The following FAM170A variants were observed in gnomAD, a reference collection of about 807,000 sequenced individuals.
FAM170A encodes family with sequence similarity 170 member A.
A neutral mutation model predicts 36.6 loss-of-function variants in FAM170A; 28 were observed. That is an observed-to-expected ratio of 0.76 (90% confidence interval 0.57 to 1.05). The LOEUF is 1.05. Among genes scored for constraint, FAM170A ranks in the 50% least tolerant of loss-of-function variants. The pLI is 0.00. For missense variants in FAM170A, 434 were observed against 396.5 expected (o/e 1.09, Z -0.80); for synonymous variants, 156 against 143.9 (o/e 1.08, Z -0.60).
intron 4 of FAM170A, among the ~76,000 whole-genome samples, 182 bp from the exon 5 acceptor site, chr5:119,635,518 G>C (rs1283296889): frequency 6.6e-6 from 1 of 152,204 alleles, no homozygotes; most frequent in Non-Finnish European, 1.5e-5. Context: ...ATCCTGATGA[G>C]ACACCAAGAG....
At chr5:119,630,866 C>T (rs1756235085) in intron 1 of FAM170A, among the ~76,000 whole-genome samples, 1 of 152,118 alleles carries the variant, frequency 6.6e-6, no homozygotes, top group Admixed American at 6.5e-5. Flanking sequence ...GAGAGTAGCC[C>T]AATGAGTTAA....
At chr5:119,629,581 AGTGGGCACTGGGCAGTGCTGCT>A (rs1193686383) in exon 1 of FAM170A, 2 of 484,096 alleles carry the variant, frequency 4.1e-6, no homozygotes, top group African/African-American at 2.0e-5. Context: ...CCTGCAGTGT[AGTGGGCACTGGGCAGTGCTGCT>A]CCTTCACTAA....
chr5:119,631,973 G>C (rs1756261964), intron 1 of FAM170A, among the ~76,000 whole-genome samples: 1 of 152,118 alleles, frequency 6.6e-6, no homozygotes, highest in South Asian at 2.1e-4. Context: ...AACCACCAAT[G>C]ATTTTTTAGT....
chr5:119,634,141 G>GC lies in FAM170A; in HGVS notation c.394dup (p.Gln132ProfsTer34), dbSNP rs1394126343. The stretch of plus-strand genomic sequence containing the variant: ...AAAGGGGCATGAAAATATACTACAT[G>GC]CAGGTACAAATGAACAAAGGTGTGG... On this transcript the variant is annotated frameshift_variant, in exon 3 of 5. Coordinates refer to ENST00000613773, the Ensembl canonical transcript of FAM170A. LOFTEE classifies it high-confidence loss of function. The GC allele has an allele frequency of 3.1e-6, 5 of 1,614,190 alleles. No individual in the cohort carries two copies.
rs540519802 is a variant in FAM170A at position 119,633,199 on chromosome 5, G to A, written c.211+311G>A. Among the ~76,000 whole-genome samples the A allele has an allele frequency of 2.6e-5, 4 of 152,292 alleles. 1 individual carries two copies. The South Asian group carries it at 8.3e-4, about 32-fold the overall frequency. On this transcript the variant is annotated intron_variant, in intron 2 of 4. Transcript: ENST00000613773. ...TCCTTAGGCATGGGATTGGGTGCAGGGCTCCTTGGGTAGGGGGCAGGAGGC... is the reference window on the plus strand; with the variant it reads ...TCCTTAGGCATGGGATTGGGTGCAGAGCTCCTTGGGTAGGGGGCAGGAGGC...
chr5:119,629,626 C>T (rs980749205), exon 1 of FAM170A: 3 of 632,540 alleles, frequency 4.7e-6, no homozygotes, highest in African/African-American at 3.7e-5. Context: ...GGTCTGAGTT[C>T]TTTAGCTATC....
At chr5:119,634,226 G>A in exon 3 of FAM170A, 1 of 1,614,244 alleles carries the variant, frequency 6.2e-7, no homozygotes, top group South Asian at 1.1e-5. Flanking sequence ...AAGGATGGAA[G>A]AAGTGACCCT....
Position 119,635,099 on chromosome 5 carries a change from ACTTG to A in FAM170A, c.*52+15_*52+18del, listed in dbSNP as rs1210153310. The A allele has an allele frequency of 6.3e-7, 1 of 1,579,434 alleles. No homozygotes were observed. The highest frequency in any genetic ancestry group is 1.3e-5 in the African/African-American group (1 of 74,390). On this transcript the variant is annotated intron_variant, in intron 4 of 4. Coordinates refer to ENST00000613773, the Ensembl canonical transcript of FAM170A. ...TCTCTTGCAAGAGGTAAGGAGTGAG[ACTTG>A]CAGTTTTCTGAGGCTGTGTTGTGAG...
intron 3 of FAM170A, 125 bp downstream of exon 3, chr5:119,634,859 A>C: frequency 1.6e-6 from 2 of 1,235,292 alleles, no homozygotes; most frequent in East Asian, 2.4e-5. Flanking sequence ...CTCAGGGAAC[A>C]ATGGAGGGGG....
chr5:119,635,215 G>A, intron 4 of FAM170A, 129 bp downstream of exon 4: 1 of 642,252 alleles, frequency 1.6e-6, no homozygotes, highest in Non-Finnish European at 2.8e-6. Flanking sequence ...TCGTGCACCT[G>A]GTGCTTCTGG....
At chr5:119,633,346 A>G (rs1471908350) in intron 2 of FAM170A, among the ~76,000 whole-genome samples, 1 of 152,148 alleles carries the variant, frequency 6.6e-6, no homozygotes, top group East Asian at 1.9e-4. Flanking sequence ...AGCTCAGTGT[A>G]GGAGAGCATG....
At chr5:119,631,882 G>A (rs958232755) in intron 1 of FAM170A, among the ~76,000 whole-genome samples, 2 of 152,092 alleles carry the variant, frequency 1.3e-5, no homozygotes, top group African/African-American at 2.4e-5. Context: ...AGACCACAAC[G>A]AAACAAAGAT....
intron 1 of FAM170A, among the ~76,000 whole-genome samples, chr5:119,631,474 C>T (rs921748925): frequency 2.6e-5 from 4 of 151,842 alleles, no homozygotes; most frequent in Non-Finnish European, 4.4e-5. Flanking sequence ...GTGGGGTCTG[C>T]GGGGTGAACT....
intron 1 of FAM170A, among the ~76,000 whole-genome samples, 179 bp downstream of exon 1, chr5:119,630,017 G>A (rs1267109855): frequency 2.6e-5 from 4 of 151,820 alleles, no homozygotes; most frequent in Non-Finnish European, 5.9e-5. Context: ...TCAGCCTCCC[G>A]AGTAGCTGGG....
exon 2 of FAM170A, chr5:119,632,782 T>G: frequency 1.2e-6 from 2 of 1,610,904 alleles, no homozygotes; most frequent in Non-Finnish European, 1.7e-6. Flanking sequence ...CCCTGCAGCC[T>G]GGATCCACTA....
exon 3 of FAM170A, chr5:119,634,656 C>T: frequency 1.3e-6 from 2 of 1,599,416 alleles, no homozygotes; most frequent in Middle Eastern, 1.7e-4. Context: ...GAGGGGCAGC[C>T]CACAGAAGAA....
At chr5:119,632,958 A>C in intron 2 of FAM170A, 70 bp downstream of exon 2, 1 of 1,475,032 alleles carries the variant, frequency 6.8e-7, no homozygotes, top group Non-Finnish European at 9.1e-7. Flanking sequence ...AAAATATTTG[A>C]GTGTGGGGCT....
At chr5:119,634,125 T>C in exon 3 of FAM170A, 1 of 1,614,126 alleles carries the variant, frequency 6.2e-7, no homozygotes, top group South Asian at 1.1e-5. Flanking sequence ...GAAAGGGGCA[T>C]GAAAATATAC....
At chr5:119,630,321 ATTTT>A (rs10603530) in intron 1 of FAM170A, among the ~76,000 whole-genome samples, 20,516 of 116,782 alleles carry the variant, frequency 0.18, 1,732 homozygotes, top group Non-Finnish European at 0.23. Context: ...CGCCTGGCTA[ATTTT>A]TTTTTTTTTT....
Sources: allele counts gnomAD v4.1 joint callset (sites outside exome capture counted in the v4.1 genomes callset), GRCh38; gene constraint gnomAD v4.1.1; transcripts MANE v1.5; gene names NCBI Gene and HGNC (gene_info 2026-07-23, HGNC 2026-07-21).